The following ENOX2 variants were observed in gnomAD, a reference collection of about 807,000 sequenced individuals.
The protein encoded by ENOX2 is ecto-NOX disulfide-thiol exchanger 2.
Under a neutral mutation model 45.0 loss-of-function variants are expected in ENOX2, and 36 were observed. The observed-to-expected ratio is 0.80, with a 90% CI of 0.61 to 1.06. The LOEUF is 1.06. ENOX2 is among the 50% of genes least tolerant of loss of function. The probability of loss-of-function intolerance (pLI) is 0.00; values close to 1 mark genes in which losing one functional copy is unlikely to be tolerated. For synonymous variants in ENOX2, 174 were observed against 152.3 expected, an observed-to-expected ratio of 1.14 and a Z score of -1.05; for missense variants, 423 against 462.5, an observed-to-expected ratio of 0.91 and a Z score of 0.78.
rs55875735 is a variant in ENOX2 at position 130,682,583 on chromosome X, C to CAAAAA, written c.254-2840_254-2836dup. Among the ~76,000 whole-genome samples the CAAAAA allele has an allele frequency of 4.6e-3, 68 of 14,659 alleles. 15 individuals are homozygous for CAAAAA. Among genetic ancestry groups the CAAAAA allele is most frequent in the African/African-American group, 1.0e-2 (49 of 4,912 alleles). The allele number at this position is 14,659 out of a possible 115,157, so 12.7% of individuals were successfully genotyped here. On this transcript the variant is annotated intron_variant, in intron 5 of 14. Transcript: ENST00000394363. ...TGGGTGACAGAGCGAGACTCCGTCTCAAAAAAAAAAAAAAAAAAAAAAAAA... is the reference window on the plus strand; with the variant it reads ...TGGGTGACAGAGCGAGACTCCGTCTCAAAAAAAAAAAAAAAAAAAAAAAAAAAAAA...
chrX:130,815,942 T>C (rs753576131), intron 2 of ENOX2, among the ~76,000 whole-genome samples: 22 of 111,349 alleles, frequency 2.0e-4, no homozygotes, highest in Admixed American at 5.7e-4. Context: ...AATTAGCAAA[T>C]TGGGACTGGC....
At position 130,627,942 on chromosome X, in the gene ENOX2, T is replaced by G. The variant is rs200158256; in HGVS notation, c.1614+16A>C. 4.8e-4 allele frequency: 556 copies of G among 1,156,958 alleles called. No individual in the cohort carries two copies. Among genetic ancestry groups the G allele is most frequent in the Non-Finnish European group, 5.9e-4 (499 of 847,840 alleles). ...TCCCACATCCCCTTGCATCCCCATT[T>G]TAGGCCCCCATATACCTTATTATCA... On this transcript the variant is annotated intron_variant, in intron 14 of 14. Coordinates refer to ENST00000394363, the MANE Select transcript of ENOX2 (RefSeq NM_006375.4).
At chrX:130,776,076 A>G (rs1051148649) in intron 3 of ENOX2, among the ~76,000 whole-genome samples, 1 of 111,652 alleles carries the variant, frequency 9.0e-6, no homozygotes, top group Admixed American at 9.5e-5. Context: ...TATTAAGGCT[A>G]GCGAGGACCT....
At chrX:130,838,593 G>A (rs773006621) in intron 2 of ENOX2, among the ~76,000 whole-genome samples, 19 of 111,450 alleles carry the variant, frequency 1.7e-4, no homozygotes, top group African/African-American at 5.5e-4. Flanking sequence ...TTCTTTACAT[G>A]GTAGTGTTTT....
intron 2 of ENOX2, among the ~76,000 whole-genome samples, chrX:130,858,447 T>C (rs1342144590): frequency 9.0e-6 from 1 of 111,328 alleles, no homozygotes; most frequent in Admixed American, 9.6e-5. Flanking sequence ...TTTCTACCTA[T>C]GAAATAAAGC....
At chrX:130,834,032 T>C (rs950353410) in intron 2 of ENOX2, among the ~76,000 whole-genome samples, 1 of 111,380 alleles carries the variant, frequency 9.0e-6, no homozygotes, top group Non-Finnish European at 1.9e-5. Context: ...ACATTTTAAA[T>C]GGGGGTTGCT....
At chrX:130,746,224 A>G (rs1186149974) in intron 3 of ENOX2, among the ~76,000 whole-genome samples, 2 of 112,251 alleles carry the variant, frequency 1.8e-5, no homozygotes, top group Non-Finnish European at 3.8e-5. Context: ...TGGACTTCCC[A>G]GAAGACACTG....
intron 9 of ENOX2, among the ~76,000 whole-genome samples, chrX:130,657,110 T>C (rs1403412891): frequency 3.6e-5 from 4 of 112,156 alleles, no homozygotes; most frequent in African/African-American, 1.3e-4. Context: ...TTACTCAACA[T>C]AACTCTTAAT....
chrX:130,863,591 C>G (rs1368798333), intron 2 of ENOX2, among the ~76,000 whole-genome samples: 2 of 112,090 alleles, frequency 1.8e-5, no homozygotes, highest in Non-Finnish European at 3.8e-5. Flanking sequence ...TTAGATAGAA[C>G]AACCTAGACC....
intron 5 of ENOX2, among the ~76,000 whole-genome samples, chrX:130,684,107 C>T (rs1483948679): frequency 8.9e-6 from 1 of 112,769 alleles, no homozygotes; most frequent in Non-Finnish European, 1.9e-5. Flanking sequence ...CAAAGCTCTA[C>T]ATGCTACCTG....
intron 2 of ENOX2, among the ~76,000 whole-genome samples, chrX:130,819,706 A>C (rs1258944683): frequency 9.0e-6 from 1 of 111,280 alleles, no homozygotes. Flanking sequence ...GGGGAACATC[A>C]CACACTGGGG....
rs191888183 is a variant in ENOX2, at chrX:130,725,517, C to A, written c.-38-22263G>T. Among the ~76,000 whole-genome samples the A allele has an allele frequency of 3.8e-3, 415 of 109,474 alleles. 2 individuals carry two copies. Among genetic ancestry groups the A allele is most frequent in the African/African-American group, 0.013 (402 of 29,989 alleles). On this transcript the variant is annotated intron_variant, in intron 3 of 14. Coordinates refer to ENST00000394363, the MANE Select transcript of ENOX2 (RefSeq NM_006375.4). The stretch of plus-strand genomic sequence containing the variant: ...GTCCCATATCCGGGTCCCTGGGTGA[C>A]AGACCTACCCCACCTCAACATGCAT...
intron 8 of ENOX2, 64 bp downstream of exon 8, chrX:130,667,466 A>C: frequency 1.9e-6 from 2 of 1,035,779 alleles, no homozygotes; most frequent in Non-Finnish European, 2.7e-6. Context: ...GAGCTCCCAT[A>C]GAGAGCAAGT....
intron 5 of ENOX2, among the ~76,000 whole-genome samples, chrX:130,683,574 C>T (rs1262811313): frequency 2.7e-5 from 3 of 111,646 alleles, no homozygotes; most frequent in Non-Finnish European, 5.6e-5. Context: ...TATTCCATTA[C>T]TTATTCCCTG....
At chrX:130,746,911 G>T (rs1421501131) in intron 3 of ENOX2, among the ~76,000 whole-genome samples, 1 of 112,394 alleles carries the variant, frequency 8.9e-6, no homozygotes. Context: ...AGTCAGAGAT[G>T]AGTAAACGTT....
At chrX:130,645,927 A>G (rs929493043) in intron 10 of ENOX2, 3 of 697,258 alleles carry the variant, frequency 4.3e-6, no homozygotes, top group African/African-American at 4.2e-5. Flanking sequence ...GGGCAATAGC[A>G]GTCGTCCCAG....
At chrX:130,746,526 T>C (rs1324411703) in intron 3 of ENOX2, among the ~76,000 whole-genome samples, 2 of 111,923 alleles carry the variant, frequency 1.8e-5, no homozygotes, top group African/African-American at 6.5e-5. Flanking sequence ...AGAAGTCAGA[T>C]TTCTTCTGCC....
rs1468645404 is a variant in ENOX2 at position 130,821,378 on chromosome X, C to T, written c.-182-37688G>A. 4.2e-5 allele frequency among the ~76,000 whole-genome samples: 4 copies of T among 94,840 alleles called. No individual in the cohort carries two copies. The Admixed American group carries it at 4.8e-4, about 11-fold the overall frequency. The allele number at this position is 94,840 out of a possible 115,157, so 82.4% of individuals were successfully genotyped here. On this transcript the variant is annotated intron_variant, in intron 2 of 14. Coordinates refer to ENST00000394363, the MANE Select transcript of ENOX2 (RefSeq NM_006375.4). ...ATGCAGCCATAAAAAATGATGAGTT[C>T]ATGTCCTTTGTAGGGACATGGATGA...
At chrX:130,641,440 T>C (rs938979735) in intron 10 of ENOX2, among the ~76,000 whole-genome samples, 2 of 111,342 alleles carry the variant, frequency 1.8e-5, no homozygotes, top group African/African-American at 6.5e-5. Context: ...AACTTTTGGC[T>C]GGGCGCAGTG....
Sources: gnomAD v4.1 joint callset for allele counts (sites outside exome capture counted in the v4.1 genomes callset) on GRCh38, gnomAD v4.1.1 for gene constraint, MANE v1.5 for transcripts, NCBI Gene and HGNC (gene_info 2026-07-23, HGNC 2026-07-21) for gene names.